Variants in PLEKHH2 observed in about 807,000 individuals in gnomAD.
PLEKHH2 encodes the protein pleckstrin homology, MyTH4 and FERM domain containing H2.
PLEKHH2 carries 129 observed loss-of-function variants against 187.9 expected under a neutral mutation model. That is an observed-to-expected ratio of 0.69 (90% confidence interval 0.59 to 0.79). PLEKHH2 has a LOEUF of 0.79. PLEKHH2 is among the 30% of genes least tolerant of loss of function. The pLI is 0.00. For synonymous variants in PLEKHH2, 686 were observed against 605.6 expected (o/e 1.13, Z -1.95); for missense variants, 2,076 against 1,751.2 (o/e 1.19, Z -3.31).
chr2:43,678,116 G>A (rs1438052919), intron 2 of PLEKHH2, among the ~76,000 whole-genome samples: 20 of 149,900 alleles, frequency 1.3e-4, no homozygotes, highest in South Asian at 1.1e-3. Context: ...CAGACCGGGC[G>A]GCGGGGCAGA....
At chr2:43,645,792 T>A (rs1220094475) in intron 2 of PLEKHH2, among the ~76,000 whole-genome samples, 1 of 152,130 alleles carries the variant, frequency 6.6e-6, no homozygotes, top group Non-Finnish European at 1.5e-5. Flanking sequence ...GAAAGCACTG[T>A]CTGGATGAAT....
chr2:43,701,767 ATTTTTT>A (rs34664734), intron 8 of PLEKHH2, among the ~76,000 whole-genome samples: 1 of 130,944 alleles, frequency 7.6e-6, no homozygotes, highest in Non-Finnish European at 1.6e-5. Flanking sequence ...TTTAATTTTA[ATTTTTT>A]TTTTTTTTTT....
intron 2 of PLEKHH2, among the ~76,000 whole-genome samples, chr2:43,645,671 T>G (rs1224909742): frequency 6.6e-6 from 1 of 152,182 alleles, no homozygotes; most frequent in Non-Finnish European, 1.5e-5. Flanking sequence ...TTGTGGATAT[T>G]GGGTTAAATA....
intron 8 of PLEKHH2, among the ~76,000 whole-genome samples, chr2:43,701,278 C>A (rs375322534): frequency 6.6e-6 from 1 of 152,222 alleles, no homozygotes; most frequent in South Asian, 2.1e-4. Flanking sequence ...TTGTTTCCTG[C>A]AGGCAGCTAC....
chr2:43,651,245 T>A (rs935099657), intron 2 of PLEKHH2, among the ~76,000 whole-genome samples: 4 of 151,982 alleles, frequency 2.6e-5, no homozygotes, highest in Admixed American at 6.6e-5. Flanking sequence ...ATTGTTGTAT[T>A]TTTAGTAGAG....
intron 14 of PLEKHH2, chr2:43,711,302 TC>T: frequency 1.0e-6 from 1 of 985,408 alleles, no homozygotes; most frequent in Non-Finnish European, 1.2e-6. Flanking sequence ...TGAAAACCTC[TC>T]AAAAATTTAG....
chr2:43,702,948 A>G (rs370973056), intron 8 of PLEKHH2, among the ~76,000 whole-genome samples: 3 of 151,852 alleles, frequency 2.0e-5, no homozygotes, highest in East Asian at 1.9e-4. Flanking sequence ...ACTTTCCCCC[A>G]GTCTCCTAGG....
At chr2:43,667,816 A>G (rs768584877) in intron 2 of PLEKHH2, among the ~76,000 whole-genome samples, 1 of 152,138 alleles carries the variant, frequency 6.6e-6, no homozygotes, top group Non-Finnish European at 1.5e-5. Flanking sequence ...GCTAATAGGT[A>G]CAGGCTTTCT....
intron 16 of PLEKHH2, among the ~76,000 whole-genome samples, chr2:43,721,314 G>A (rs1243103799): frequency 2.6e-5 from 4 of 152,126 alleles, no homozygotes; most frequent in African/African-American, 7.2e-5. Flanking sequence ...GGTATTCTGT[G>A]TCACCTTTGG....
At chr2:43,753,845 C>A in intron 25 of PLEKHH2, 85 bp downstream of exon 25, 1 of 1,131,200 alleles carries the variant, frequency 8.8e-7, no homozygotes, top group Non-Finnish European at 1.2e-6. Context: ...TAATATACTT[C>A]AATAATTCTT....
chr2:43,647,482 A>G (rs1293717770), intron 2 of PLEKHH2, among the ~76,000 whole-genome samples: 2 of 152,210 alleles, frequency 1.3e-5, no homozygotes, highest in African/African-American at 4.8e-5. Flanking sequence ...TGATATATCT[A>G]TCCACTCATC....
chr2:43,722,761 T>G (rs561140853), intron 16 of PLEKHH2, among the ~76,000 whole-genome samples: 2 of 152,320 alleles, frequency 1.3e-5, no homozygotes, highest in South Asian at 4.1e-4. Flanking sequence ...CTTTCCATAC[T>G]TACCAAGTTT....
At chr2:43,645,120 A>T (rs999670839) in intron 2 of PLEKHH2, among the ~76,000 whole-genome samples, 5 of 152,104 alleles carry the variant, frequency 3.3e-5, no homozygotes, top group African/African-American at 1.2e-4. Context: ...TACAAAAATC[A>T]TATTGAAGGG....
chr2:43,747,521 C>G (rs1168343190), intron 24 of PLEKHH2, among the ~76,000 whole-genome samples: 1 of 152,168 alleles, frequency 6.6e-6, no homozygotes, highest in East Asian at 1.9e-4. Flanking sequence ...GCCGGAGACT[C>G]CGGAGCACAC....
At chr2:43,709,483 G>C (rs1023539944) in intron 11 of PLEKHH2, among the ~76,000 whole-genome samples, 3 of 152,134 alleles carry the variant, frequency 2.0e-5, no homozygotes, top group Non-Finnish European at 2.9e-5. Flanking sequence ...TAAAATAGCT[G>C]TGTGATTGTA....
intron 3 of PLEKHH2, among the ~76,000 whole-genome samples, chr2:43,682,427 C>T (rs1668240665): frequency 2.0e-5 from 3 of 152,090 alleles, no homozygotes; most frequent in Middle Eastern, 3.2e-3. Context: ...CTGCCTCAGC[C>T]TCCCGAGTAG....
Position 43,712,281 on chromosome 2 carries a change from A to G in PLEKHH2, c.2358A>G (p.Glu786=), listed in dbSNP as rs1333792918. 1 of 1,613,590 alleles carries G rather than the reference A, an allele frequency of 6.2e-7. No homozygotes were observed. Among genetic ancestry groups the G allele is most frequent in the East Asian group, 2.2e-5 (1 of 44,868 alleles). Residue 786 remains glutamate, a synonymous_variant, in exon 15 of 30, where the codon GAA becomes GAG. Transcript: ENST00000282406. ...YLTADSPNIL[E]EWIKVLQNVL... ...CTGCAGATTCTCCCAATATATTGGAAGAGTGGATTAAAGTGTTACAGAATG... is the reference window on the plus strand; with the variant it reads ...CTGCAGATTCTCCCAATATATTGGAGGAGTGGATTAAAGTGTTACAGAATG...
Position 43,680,945 on chromosome 2 carries a change from A to T in PLEKHH2, c.186+2020A>T. ...GTCCAGGGCCACTTTAGTTGCAATT[A>T]TTTTTACTACATACACTGGATTTCT... On this transcript the variant is annotated intron_variant, in intron 3 of 29. Transcript: ENST00000282406. 5 of 932,222 alleles carry T rather than the reference A, an allele frequency of 5.4e-6. No homozygotes were observed. In the South Asian group the frequency reaches 9.0e-5, roughly 17 times the overall value. 57.7% of individuals were successfully genotyped at this position (932,222 alleles called of 1,614,324 possible).
intron 20 of PLEKHH2, 77 bp downstream of exon 20, chr2:43,738,597 G>A: frequency 7.4e-7 from 1 of 1,345,888 alleles, no homozygotes; most frequent in Non-Finnish European, 1.0e-6. Flanking sequence ...TACACATTCA[G>A]CATAGACATT....
Sources: allele counts gnomAD v4.1 joint callset (sites outside exome capture counted in the v4.1 genomes callset), GRCh38; gene constraint gnomAD v4.1.1; transcripts MANE v1.5; gene names NCBI Gene and HGNC (gene_info 2026-07-23, HGNC 2026-07-21).